Variants in SOS1 observed in about 807,000 individuals in gnomAD.
The protein encoded by SOS1 is son of sevenless homolog 1.
SOS1 carries 25 observed loss-of-function variants against 157.6 expected under a neutral mutation model. That is an observed-to-expected ratio of 0.16 (90% CI 0.12 to 0.22). The LOEUF (loss-of-function observed/expected upper bound fraction) is 0.22. Among genes scored for constraint, SOS1 ranks in the 10% least tolerant of loss-of-function variants. The pLI is 1.00. For synonymous variants in SOS1, 528 were observed against 534.0 expected, an observed-to-expected ratio of 0.99 and a Z score of 0.16; for missense variants, 1,237 against 1,599.1, an observed-to-expected ratio of 0.77 and a Z score of 3.86.
chr2:39,114,725 T>C (rs1000459833), intron 1 of SOS1, among the ~76,000 whole-genome samples: 2 of 151,904 alleles, frequency 1.3e-5, no homozygotes, highest in South Asian at 4.2e-4. Flanking sequence ...GCCTCCCGAG[T>C]AGCTGGGATT....
chr2:39,119,140 T>G (rs751569601), intron 1 of SOS1, among the ~76,000 whole-genome samples: 14 of 151,834 alleles, frequency 9.2e-5, no homozygotes, highest in Non-Finnish European at 1.8e-4. Context: ...AAGTAAGGAG[T>G]GAGAGCCTGA....
intron 17 of SOS1, among the ~76,000 whole-genome samples, chr2:39,005,179 C>G (rs1030716165): frequency 6.6e-6 from 1 of 152,088 alleles, no homozygotes; most frequent in African/African-American, 2.4e-5. Context: ...TTAAAAATAG[C>G]TAAAAGTTAC....
rs1456484431 is a variant in SOS1 at position 38,987,536 on chromosome 2, G to C, written c.3447C>G (p.Val1149=). The change falls in exon 22 of 23, where the codon GTC becomes GTG. Residue 1149 remains valine, a synonymous_variant. Coordinates refer to ENST00000402219, the MANE Select transcript of SOS1 (RefSeq NM_005633.4). ...GTCTTCGTGGAGGAACAGGAGGAGG[G>C]ACAGGCACTTCATCAGTGCCTTTGG... ...SLTKGTDEVP[V]PPPVPPRRRP... 1 of 1,606,062 alleles carries C rather than the reference G, an allele frequency of 6.2e-7. No homozygotes were observed. The highest frequency in any genetic ancestry group is 2.2e-5 in the East Asian group (1 of 44,758).
chr2:39,050,991 T>C (rs541336285), intron 6 of SOS1, among the ~76,000 whole-genome samples, 153 bp downstream of exon 6: 4 of 152,312 alleles, frequency 2.6e-5, no homozygotes, highest in East Asian at 1.9e-4. Flanking sequence ...CAGAAACATA[T>C]GTTGACAATG....
At chr2:39,025,808 A>G (rs773761428) in intron 8 of SOS1, among the ~76,000 whole-genome samples, 4 of 152,224 alleles carry the variant, frequency 2.6e-5, no homozygotes, top group Non-Finnish European at 4.4e-5. Flanking sequence ...GCGCATGCAC[A>G]TACCACATGC....
intron 10 of SOS1, among the ~76,000 whole-genome samples, chr2:39,021,184 G>A (rs970898262): frequency 2.6e-5 from 4 of 151,360 alleles, no homozygotes; most frequent in African/African-American, 7.2e-5. Context: ...CCATGTCCAC[G>A]GACTTTACCT....
chr2:39,067,745 C>T lies in SOS1; in HGVS notation c.96G>A (p.Gly32=). 1 of 1,612,354 alleles carries T rather than the reference C, an allele frequency of 6.2e-7. No homozygotes were observed. The highest frequency in any genetic ancestry group is 1.7e-4 in the Middle Eastern group (1 of 6,058). ...LLVPALKKVQ[G]QVHPTLESND... ...TAGACTCGAGAGTAGGATGAACTTG[C>T]CCCTGGACCTATAAACAAAAAGCAA... Residue 32 remains glycine (G), a synonymous_variant, in exon 2 of 23, where the codon GGG becomes GGA. Coordinates refer to ENST00000402219, the MANE Select transcript of SOS1 (RefSeq NM_005633.4).
intron 8 of SOS1, chr2:39,034,929 A>G (rs373203195): frequency 3.1e-5 from 16 of 522,766 alleles, no homozygotes; most frequent in East Asian, 2.3e-4. Flanking sequence ...GTACAAGACA[A>G]AAATATCTGA....
intron 1 of SOS1, among the ~76,000 whole-genome samples, chr2:39,107,428 T>G (rs1298906955): frequency 6.6e-6 from 1 of 152,190 alleles, no homozygotes; most frequent in South Asian, 2.1e-4. Context: ...TCCTTAGTAT[T>G]GCACTACAGT....
intron 20 of SOS1, among the ~76,000 whole-genome samples, chr2:38,994,061 T>C (rs1422471599): frequency 2.0e-5 from 3 of 152,206 alleles, no homozygotes; most frequent in Non-Finnish European, 2.9e-5. Context: ...CATGTGATTA[T>C]TGAGCATCTG....
chr2:39,012,341 T>C lies in SOS1; in HGVS notation c.2175A>G (p.Ala725=). The C allele has an allele frequency of 6.6e-7, 1 of 1,516,202 alleles. No homozygotes were observed. Among genetic ancestry groups the C allele is most frequent in the Non-Finnish European group, 9.2e-7 (1 of 1,091,262 alleles). The allele number at this position is 1,516,202 out of a possible 1,614,324, so 93.9% of individuals were successfully genotyped here. The part of the protein sequence containing the change: ...EEFIGTVRGK[A]MKKWVESITK... ...TGATGGATTCAACCCATTTTTTCAT[T>C]GCTTTACCTGCAATACATTATATTT... is the stretch of plus-strand genomic sequence containing the variant. The change falls in exon 14 of 23, where the codon GCA becomes GCG. Residue 725 remains alanine, a synonymous_variant. Transcript: ENST00000402219.
At chr2:39,037,542 C>A (rs544612069) in intron 6 of SOS1, among the ~76,000 whole-genome samples, 1 of 151,832 alleles carries the variant, frequency 6.6e-6, no homozygotes, top group Non-Finnish European at 1.5e-5. Flanking sequence ...AAAAAAAATT[C>A]TGTAATTTGC....
chr2:39,123,564 G>A (rs1000822635), upstream of SOS1, among the ~76,000 whole-genome samples: 2 of 151,388 alleles, frequency 1.3e-5, no homozygotes, highest in Admixed American at 1.3e-4. Flanking sequence ...CGCTAGGTTG[G>A]CCAGGCTGGT....
At chr2:39,068,275 G>C (rs1057360413) in intron 1 of SOS1, among the ~76,000 whole-genome samples, 8 of 152,148 alleles carry the variant, frequency 5.3e-5, no homozygotes, top group Non-Finnish European at 1.2e-4. Context: ...AATAATTTCA[G>C]TATGTTTTTT....
intron 17 of SOS1, among the ~76,000 whole-genome samples, chr2:38,999,183 G>A (rs545342673): frequency 4.6e-5 from 7 of 152,328 alleles, no homozygotes; most frequent in African/African-American, 1.7e-4. Context: ...TCTAAGCAAA[G>A]CAGCAGTGTG....
intron 1 of SOS1, among the ~76,000 whole-genome samples, chr2:39,080,936 A>T (rs918541817): frequency 6.6e-6 from 1 of 152,204 alleles, no homozygotes; most frequent in Non-Finnish European, 1.5e-5. Flanking sequence ...CTATAATACC[A>T]GCACTTTGGA....
intron 1 of SOS1, among the ~76,000 whole-genome samples, chr2:39,101,445 T>G (rs1054150311): frequency 4.6e-5 from 7 of 152,142 alleles, no homozygotes; most frequent in African/African-American, 1.7e-4. Context: ...TATGCCTAGA[T>G]CAACTGTTGA....
At chr2:39,100,679 G>A (rs1452734751) in intron 1 of SOS1, among the ~76,000 whole-genome samples, 1 of 152,202 alleles carries the variant, frequency 6.6e-6, no homozygotes, top group South Asian at 2.1e-4. Context: ...AGTTTGGGAA[G>A]CCAAGGCAGG....
In SOS1 at chr2:39,007,034, A is replaced by G; in HGVS notation, c.2670T>C (p.Phe890=). The G allele has an allele frequency of 6.2e-7, 1 of 1,606,908 alleles. No homozygotes were observed. The highest frequency in any genetic ancestry group is 8.5e-7 in the Non-Finnish European group (1 of 1,173,658). ...SSPVYRLDHT[F]EQIPSRQKKI... is the part of the protein sequence containing the mutation. ...AAAAACACATGTAGAAACCTACCTC[A>G]AATGTGTGGTCTAGTCTGTAAACAG... Residue 890 remains phenylalanine (F), a synonymous_variant, in exon 16 of 23, where the codon TTT becomes TTC. Coordinates refer to ENST00000402219, the MANE Select transcript of SOS1 (RefSeq NM_005633.4).
Sources: gnomAD v4.1 joint callset for allele counts (sites outside exome capture counted in the v4.1 genomes callset) on GRCh38, gnomAD v4.1.1 for gene constraint, MANE v1.5 for transcripts, NCBI Gene and HGNC (gene_info 2026-07-23, HGNC 2026-07-21) for gene names.